The following CNMD variants were observed in gnomAD, a reference collection of about 807,000 sequenced individuals.
CNMD encodes the protein leukocyte cell-derived chemotaxin 1.
CNMD carries 30 observed loss-of-function variants against 37.5 expected under a neutral mutation model. The observed-to-expected ratio is 0.80, with a 90% confidence interval of 0.60 to 1.09. CNMD has a LOEUF of 1.09. Ranked by LOEUF, CNMD falls within the 50% of genes least tolerant of loss-of-function variation. CNMD has a pLI of 0.00. For synonymous variants in CNMD, 167 were observed against 148.2 expected (o/e 1.13, Z -0.92); for missense variants, 398 against 423.9 (o/e 0.94, Z 0.54).
intron 6 of CNMD, among the ~76,000 whole-genome samples, chr13:52,705,934 A>G (rs1001975200): frequency 1.2e-4 from 19 of 152,316 alleles, no homozygotes; most frequent in African/African-American, 4.6e-4. Flanking sequence ...TTCTTCTTCA[A>G]GCTAAGGTAG....
intron 2 of CNMD, 121 bp downstream of exon 2, chr13:52,738,910 C>G (rs969619522): frequency 2.0e-5 from 18 of 886,930 alleles, no homozygotes; most frequent in Non-Finnish European, 2.8e-5. Context: ...GAGAGGGGAG[C>G]TCACGCTGGG....
At chr13:52,718,355 A>T (rs1384416745) in intron 4 of CNMD, among the ~76,000 whole-genome samples, 1 of 151,816 alleles carries the variant, frequency 6.6e-6, no homozygotes, top group Admixed American at 6.6e-5. Context: ...TTCTGCTCTG[A>T]TCTTAGTTAT....
At chr13:52,715,680 A>G (rs1375412167) in intron 4 of CNMD, among the ~76,000 whole-genome samples, 4 of 151,936 alleles carry the variant, frequency 2.6e-5, no homozygotes, top group African/African-American at 9.7e-5. Context: ...AAGGACATGA[A>G]CTCATCATTT....
chr13:52,712,280 C>T (rs972410504), intron 5 of CNMD, among the ~76,000 whole-genome samples: 5 of 152,164 alleles, frequency 3.3e-5, no homozygotes, highest in Non-Finnish European at 7.4e-5. Context: ...CAGCCAATAC[C>T]CATAGCAGCT....
intron 4 of CNMD, among the ~76,000 whole-genome samples, chr13:52,723,382 C>G (rs1016228892): frequency 6.6e-6 from 1 of 152,136 alleles, no homozygotes; most frequent in African/African-American, 2.4e-5. Flanking sequence ...CATGAGCCAC[C>G]ATGCCTGCCT....
Position 52,739,192 on chromosome 13 carries a change from G to A in CNMD, c.73-21C>T, listed in dbSNP as rs1964838334. On this transcript the variant is annotated intron_variant, in intron 1 of 6. Transcript: ENST00000377962. This position sits in a 1 kb window ranked among gnomAD's most constrained non-coding sequence, Gnocchi z 5.4. ...TACGCCTGCGGGCCGGGGCGGGAGA[G>A]GGACCGTCGCGTTTGTGCCGCCAGC... is the stretch of plus-strand genomic sequence containing the variant. 2.1e-6 allele frequency: 3 copies of A among 1,455,482 alleles called. No individual in the cohort carries two copies. Among genetic ancestry groups the A allele is most frequent in the African/African-American group, 1.5e-5 (1 of 67,238 alleles). The allele number at this position is 1,455,482 out of a possible 1,614,324, so 90.2% of individuals were successfully genotyped here.
chr13:52,735,827 C>CT (rs34873599), intron 2 of CNMD, among the ~76,000 whole-genome samples: 1,508 of 120,602 alleles, frequency 0.013, 51 homozygotes, highest in African/African-American at 0.037. Context: ...TGCGGCCCAC[C>CT]TTTTTTTTTT....
chr13:52,709,357 AAAAT>A (rs1566218442), intron 5 of CNMD, among the ~76,000 whole-genome samples: 2 of 152,200 alleles, frequency 1.3e-5, no homozygotes, highest in Admixed American at 6.5e-5. Flanking sequence ...CTATATGAAA[AAAAT>A]AAACCTGTGT....
At position 52,703,626 on chromosome 13, in the gene CNMD, C is replaced by T. The variant is rs1394539044; in HGVS notation, c.974G>A (p.Trp325Ter). Residue 325 changes from tryptophan (W) to a stop codon, truncating the protein, a stop_gained, in exon 7 of 7, where the codon TGG becomes TAG. Transcript: ENST00000377962. LOFTEE classifies it high-confidence loss of function. ...CATGCCCAAGATACGGGCCACCCAC[C>T]AGCTACATGGCATGATGACTCTGCA... ...SACRVIMPCS[W>*]WVARILGMV 6.2e-7 allele frequency: 1 copy of T among 1,612,954 alleles called. No homozygotes were observed. The highest frequency in any genetic ancestry group is 8.5e-7 in the Non-Finnish European group (1 of 1,179,274).
intron 2 of CNMD, among the ~76,000 whole-genome samples, chr13:52,738,089 T>C (rs78729755): frequency 0.013 from 2,007 of 152,346 alleles, 21 homozygotes; most frequent in Middle Eastern, 0.031. Context: ...TTGCATTTCA[T>C]GGTAGGAGAG....
intron 5 of CNMD, among the ~76,000 whole-genome samples, chr13:52,709,450 A>C (rs2138222879): frequency 1.3e-5 from 2 of 152,340 alleles, no homozygotes; most frequent in South Asian, 4.1e-4. Context: ...TATCAGTATA[A>C]AGCTTTACAG....
intron 5 of CNMD, among the ~76,000 whole-genome samples, chr13:52,712,090 C>T (rs117133020): frequency 0.024 from 3,595 of 152,222 alleles, 70 homozygotes; most frequent in Non-Finnish European, 0.037. Context: ...AATAGTGAGA[C>T]AACTCAGGGG....
chr13:52,732,410 A>G (rs1964687677), intron 3 of CNMD, among the ~76,000 whole-genome samples: 1 of 152,326 alleles, frequency 6.6e-6, no homozygotes. Flanking sequence ...ACACCGAAAC[A>G]TTGCTGCACA....
At position 52,739,776 on chromosome 13, in the gene CNMD, A is replaced by C; in HGVS notation, c.-75T>G. ...GATCTGTCCCGCTGCCCCGACGTGC[A>C]GGGCATTTCAACGCCGCGCGCACAC... On this transcript the variant is annotated 5_prime_UTR_variant, in exon 1 of 7. Transcript: ENST00000377962. The surrounding 1 kb of genome is among the most constrained non-coding windows in gnomAD (Gnocchi z 5.4). 1 of 1,345,318 alleles carries C rather than the reference A, an allele frequency of 7.4e-7. No individual in the cohort carries two copies. The highest frequency in any genetic ancestry group is 1.2e-5 in the South Asian group (1 of 82,924). 83.3% of individuals were successfully genotyped at this position (1,345,318 alleles called of 1,614,324 possible). A position where few individuals can be genotyped will look rare whatever the true frequency, so the allele number is the denominator to read the frequency against.
intron 3 of CNMD, among the ~76,000 whole-genome samples, chr13:52,729,087 T>C (rs1297094408): frequency 1.3e-5 from 2 of 152,218 alleles, no homozygotes; most frequent in Admixed American, 1.3e-4. Flanking sequence ...AAAACAGTGA[T>C]GTAATCTTAC....
At chr13:52,714,368 C>T (rs1302643387) in intron 4 of CNMD, among the ~76,000 whole-genome samples, 1 of 152,134 alleles carries the variant, frequency 6.6e-6, no homozygotes, top group East Asian at 1.9e-4. Context: ...CTGTTACTGA[C>T]AGCCAAACAT....
intron 4 of CNMD, among the ~76,000 whole-genome samples, chr13:52,720,559 C>T (rs1020316395): frequency 3.3e-5 from 5 of 152,140 alleles, no homozygotes; most frequent in African/African-American, 1.2e-4. Flanking sequence ...ACAGTCAAGC[C>T]CCTCTGCTGC....
In CNMD at chr13:52,739,634, G is replaced by A; in HGVS notation, c.68C>T (p.Pro23Leu). ...GGAATCCCTGGCGGTACTCACCGGG[G>A]GGCTGCAGAATTCCACGTCATCAGG... is the stretch of plus-strand genomic sequence containing the variant. ...VGPDDVEFCS[P>L]PAYATLTVKP... The change falls in exon 1 of 7, where the codon CCC (proline) becomes CTC (leucine). Residue 23 changes from proline (P) to leucine (L), a missense_variant. Physicochemically the swap from Pro to Leu is moderately conservative, Grantham distance 98 (BLOSUM62 -3). Coordinates refer to ENST00000377962, the MANE Select transcript of CNMD (RefSeq NM_007015.3). The surrounding 1 kb of genome is among the most constrained non-coding windows in gnomAD (Gnocchi z 5.4). The A allele has an allele frequency of 6.2e-7, 1 of 1,613,872 alleles. No homozygotes were observed. Among genetic ancestry groups the A allele is most frequent in the Non-Finnish European group, 8.5e-7 (1 of 1,179,730 alleles).
At chr13:52,723,206 C>G (rs1964511947) in intron 4 of CNMD, among the ~76,000 whole-genome samples, 2 of 152,220 alleles carry the variant, frequency 1.3e-5, no homozygotes, top group South Asian at 4.1e-4. Flanking sequence ...ATCCTCCCAC[C>G]TCTGCCTCCT....
Sources: gnomAD v4.1 joint callset for allele counts (sites outside exome capture counted in the v4.1 genomes callset) on GRCh38, gnomAD v4.1.1 for gene constraint, Gnocchi (gnomAD v3.1) non-coding constraint, MANE v1.5 for transcripts, NCBI Gene and HGNC (gene_info 2026-07-23, HGNC 2026-07-21) for gene names.